TPH2: variants seen among roughly 807,000 people sequenced by gnomAD.
TPH2 encodes tryptophan hydroxylase 2.
Under a neutral mutation model 59.1 loss-of-function variants are expected in TPH2, and 27 were observed. The ratio of observed to expected loss-of-function variants is 0.46; its 90% CI spans 0.34 to 0.63. The LOEUF is 0.63. TPH2 is among the 30% of genes least tolerant of loss of function. The pLI, the probability that TPH2 is intolerant of heterozygous loss-of-function variation, is 0.01. For missense variants in TPH2, 523 were observed against 588.3 expected (o/e 0.89, Z 1.15); for synonymous variants, 220 against 210.5 (o/e 1.05, Z -0.39).
intron 7 of TPH2, among the ~76,000 whole-genome samples, chr12:71,988,141 A>G (rs1393689963): frequency 3.9e-5 from 6 of 152,210 alleles, no homozygotes; most frequent in African/African-American, 1.4e-4. Context: ...ATTTGCCTAC[A>G]CAAGAATATG....
chr12:71,968,260 T>C (rs1871871848), intron 5 of TPH2, among the ~76,000 whole-genome samples: 2 of 152,204 alleles, frequency 1.3e-5, no homozygotes. Context: ...GTCAGTGACA[T>C]ACCATAGCTG....
intron 7 of TPH2, among the ~76,000 whole-genome samples, chr12:71,988,817 G>T (rs1473647987): frequency 6.6e-6 from 1 of 152,168 alleles, no homozygotes; most frequent in African/African-American, 2.4e-5. Flanking sequence ...AGGAAAGTTT[G>T]TACTTGCTAT....
chr12:71,961,646 C>T (rs533081653), intron 5 of TPH2: 202 of 1,351,982 alleles, frequency 1.5e-4, no homozygotes, highest in East Asian at 3.6e-4. Context: ...GTATGTTGAG[C>T]GTGCACATAT....
chr12:71,951,898 G>A (rs959008767), intron 5 of TPH2, among the ~76,000 whole-genome samples: 3 of 152,168 alleles, frequency 2.0e-5, no homozygotes, highest in African/African-American at 7.2e-5. Context: ...GGTGGTGCAT[G>A]CCTGTAATCC....
intron 8 of TPH2, among the ~76,000 whole-genome samples, chr12:71,999,969 G>A (rs1872781730): frequency 6.6e-6 from 1 of 152,176 alleles, no homozygotes; most frequent in African/African-American, 2.4e-5. Context: ...CTATTACAGT[G>A]TTCAGTAGAG....
intron 8 of TPH2, among the ~76,000 whole-genome samples, chr12:72,011,509 A>G (rs770433619): frequency 6.6e-6 from 1 of 152,216 alleles, no homozygotes; most frequent in Non-Finnish European, 1.5e-5. Flanking sequence ...AATTCCCTGT[A>G]GCTGCTAATT....
At chr12:71,989,190 T>G (rs1012997289) in intron 7 of TPH2, among the ~76,000 whole-genome samples, 1 of 152,108 alleles carries the variant, frequency 6.6e-6, no homozygotes, top group African/African-American at 2.4e-5. Context: ...GCCTAAAATC[T>G]TATCTGGGTC....
chr12:71,976,224 C>T (rs1035785027), intron 6 of TPH2, among the ~76,000 whole-genome samples: 1 of 152,152 alleles, frequency 6.6e-6, no homozygotes, highest in Non-Finnish European at 1.5e-5. Flanking sequence ...AATTGATATA[C>T]CTTAAAGGCC....
At chr12:71,941,178 T>A (rs1455610566) in intron 1 of TPH2, among the ~76,000 whole-genome samples, 4 of 152,210 alleles carry the variant, frequency 2.6e-5, no homozygotes, top group Admixed American at 6.5e-5. Flanking sequence ...TTTGATCTTA[T>A]TTTTAATATG....
intron 8 of TPH2, among the ~76,000 whole-genome samples, chr12:71,996,792 T>C (rs1232015016): frequency 6.6e-6 from 1 of 152,228 alleles, no homozygotes; most frequent in Non-Finnish European, 1.5e-5. Flanking sequence ...TAGTCCTTTT[T>C]CTAAAACAGT....
intron 5 of TPH2, among the ~76,000 whole-genome samples, chr12:71,952,655 A>G (rs1211943739): frequency 2.6e-5 from 4 of 152,174 alleles, no homozygotes; most frequent in African/African-American, 9.7e-5. Flanking sequence ...TGACCTAGGC[A>G]GGATAACAGC....
intron 9 of TPH2, among the ~76,000 whole-genome samples, chr12:72,030,926 T>C (rs1873703510): frequency 6.6e-6 from 1 of 152,188 alleles, no homozygotes; most frequent in African/African-American, 2.4e-5. Flanking sequence ...CTTCTATTCA[T>C]AGCATAGATT....
chr12:71,939,156 C>T (rs1870984367), intron 1 of TPH2, 65 bp downstream of exon 1: 15 of 1,201,660 alleles, frequency 1.2e-5, no homozygotes, highest in African/African-American at 1.5e-5. Flanking sequence ...TTCTCCTCAC[C>T]ATATGAATCC....
At chr12:71,971,737 C>T (rs1022718208) in intron 5 of TPH2, among the ~76,000 whole-genome samples, 1 of 152,182 alleles carries the variant, frequency 6.6e-6, no homozygotes, top group Non-Finnish European at 1.5e-5. Context: ...TAGTACACTA[C>T]TGTTTATGGG....
intron 5 of TPH2, among the ~76,000 whole-genome samples, chr12:71,958,039 A>T (rs1871561250): frequency 6.6e-6 from 1 of 152,224 alleles, no homozygotes; most frequent in Admixed American, 6.5e-5. Flanking sequence ...CCCTTGAGGT[A>T]GGTGCCATTA....
chr12:72,016,405 G>C (rs1873255525), intron 8 of TPH2, among the ~76,000 whole-genome samples: 1 of 152,018 alleles, frequency 6.6e-6, no homozygotes, highest in Admixed American at 6.6e-5. Context: ...TCTAAGTGAG[G>C]GTGTGGGTTT....
At chr12:71,949,708 G>A (rs1871292606) in intron 5 of TPH2, 53 bp downstream of exon 5, 2 of 1,478,744 alleles carry the variant, frequency 1.4e-6, no homozygotes, top group African/African-American at 2.8e-5. Context: ...AAAAACACAT[G>A]CTGTGTTAAA....
At chr12:71,982,015 A>AATTTTTTTTTT (rs1183784824) in intron 7 of TPH2, among the ~76,000 whole-genome samples, 3 of 60,492 alleles carry the variant, frequency 5.0e-5, no homozygotes, top group African/African-American at 1.8e-4. Context: ...TATCATTCGT[A>AATTTTTTTTTT]TTTTTTTTTT....
chr12:71,961,597 T>C, intron 5 of TPH2: 1 of 1,352,150 alleles, frequency 7.4e-7, no homozygotes, highest in East Asian at 4.5e-5. Context: ...GAATTTCAGC[T>C]CTTTTCTGTA....
Sources: allele counts gnomAD v4.1 joint callset (sites outside exome capture counted in the v4.1 genomes callset), GRCh38; gene constraint gnomAD v4.1.1; transcripts MANE v1.5; gene names NCBI Gene and HGNC (gene_info 2026-07-23, HGNC 2026-07-21).